Variants in DCK observed in about 807,000 individuals in gnomAD.
DCK encodes deoxycytidine kinase, also known as deoxyadenosine kinase.
A neutral mutation model predicts 38.3 loss-of-function variants in DCK; 23 were observed. The ratio of observed to expected loss-of-function variants is 0.60; its 90% CI spans 0.43 to 0.85. The LOEUF is 0.85. Ranked by LOEUF, DCK falls within the 40% of genes least tolerant of loss-of-function variation. DCK has a pLI of 0.00. For synonymous variants in DCK, 108 were observed against 100.6 expected (o/e 1.07, Z -0.44); for missense variants, 259 against 304.4 (o/e 0.85, Z 1.11).
chr4:71,010,230 A>C (rs528757585), intron 2 of DCK, among the ~76,000 whole-genome samples: 4 of 147,392 alleles, frequency 2.7e-5, no homozygotes, highest in Admixed American at 2.0e-4. Context: ...TTGATAAGGT[A>C]CTCCTAATTT....
chr4:71,015,338 G>A lies in DCK; in HGVS notation c.208-7029G>A, dbSNP rs187560293. Reference sequence around the variant, plus strand: ...TCCAGGACCAGATGGATTCACAGCCGAATTCTACCAGCAGTACAAGGAGGA... The same window carrying A: ...TCCAGGACCAGATGGATTCACAGCCAAATTCTACCAGCAGTACAAGGAGGA... On this transcript the variant is annotated intron_variant, in intron 2 of 6. Transcript: ENST00000286648. Among the ~76,000 whole-genome samples the A allele has an allele frequency of 3.6e-3, 554 of 152,256 alleles. 1 individual carries two copies. The highest frequency in any genetic ancestry group is 0.01 in the Middle Eastern group (3 of 294).
At chr4:70,995,253 T>C (rs1235560905) in intron 1 of DCK, among the ~76,000 whole-genome samples, 1 of 152,144 alleles carries the variant, frequency 6.6e-6, no homozygotes, top group Non-Finnish European at 1.5e-5. Context: ...GAAGACCATA[T>C]ATAAAGACAG....
chr4:71,015,168 A>G (rs1740225852), intron 2 of DCK, among the ~76,000 whole-genome samples: 1 of 151,884 alleles, frequency 6.6e-6, no homozygotes, highest in African/African-American at 2.4e-5. Flanking sequence ...TACGCAAATA[A>G]ACTAGAAAAT....
intron 2 of DCK, among the ~76,000 whole-genome samples, chr4:71,008,766 T>C (rs1303950733): frequency 6.6e-6 from 1 of 152,212 alleles, no homozygotes; most frequent in Non-Finnish European, 1.5e-5. Context: ...GCACAGAAAC[T>C]GACATATAAA....
At chr4:71,020,857 G>C (rs921895684) in intron 2 of DCK, among the ~76,000 whole-genome samples, 1 of 151,972 alleles carries the variant, frequency 6.6e-6, no homozygotes, top group Non-Finnish European at 1.5e-5. Context: ...AAATATACAA[G>C]ATGAAGCTCA....
rs1740207776 is a variant in DCK at position 71,014,719 on chromosome 4, C to T, written c.208-7648C>T. ...CAGAAATAAAGATGTTCTTTGAAACCAATGAGAACAAAGACACAACATACC... is the reference window on the plus strand; with the variant it reads ...CAGAAATAAAGATGTTCTTTGAAACTAATGAGAACAAAGACACAACATACC... On this transcript the variant is annotated intron_variant, in intron 2 of 6. Coordinates refer to ENST00000286648, the MANE Select transcript of DCK (RefSeq NM_000788.3). Among the ~76,000 whole-genome samples, 2 of 152,082 alleles carry T rather than the reference C, an allele frequency of 1.3e-5. 1 individual carries two copies. The highest frequency in any genetic ancestry group is 4.1e-4 in the South Asian group (2 of 4,824).
At chr4:71,013,517 G>A (rs868604667) in intron 2 of DCK, among the ~76,000 whole-genome samples, 136 of 152,268 alleles carry the variant, frequency 8.9e-4, no homozygotes, top group African/African-American at 2.5e-3. Context: ...GAGAAAGGTC[G>A]GGTTACCCAC....
chr4:71,018,283 TGCCCC>T (rs962995717), intron 2 of DCK, among the ~76,000 whole-genome samples: 2 of 151,914 alleles, frequency 1.3e-5, no homozygotes, highest in African/African-American at 4.8e-5. Flanking sequence ...CCTGCCACCA[TGCCCC>T]GCTATTTTTT....
intron 2 of DCK, among the ~76,000 whole-genome samples, chr4:71,012,331 C>A (rs1243136250): frequency 1.3e-5 from 2 of 152,244 alleles, no homozygotes; most frequent in African/African-American, 4.8e-5. Context: ...GTAGACTCCA[C>A]CTCTGGGGGC....
rs868553565 is a variant in DCK, at chr4:70,993,925, C to T, written c.90C>T (p.Ile30=). The T allele has an allele frequency of 6.2e-7, 1 of 1,609,236 alleles. No individual in the cohort carries two copies. Residue 30 remains isoleucine (I), a splice_region_variant and synonymous_variant, in exon 1 of 7, where the codon ATC becomes ATT. Coordinates refer to ENST00000286648, the MANE Select transcript of DCK (RefSeq NM_000788.3). The part of the protein sequence containing the change: ...RIKKISIEGN[I]AAGKSTFVNI... ...AGAAAATCTCCATCGAAGGGAACAT[C>T]GGTAAGGAGCCTCCGGAAATGTGGG...
At chr4:71,028,759 A>ATTT (rs11394166) in intron 6 of DCK, 539 of 249,224 alleles carry the variant, frequency 2.2e-3, no homozygotes, top group South Asian at 4.2e-3. Context: ...TGCCTAGCTA[A>ATTT]TTTTTTTTTT....
At chr4:71,025,746 A>G (rs552161563) in intron 4 of DCK, 70 bp from the exon 5 acceptor site, 1 of 1,483,104 alleles carries the variant, frequency 6.7e-7, no homozygotes, top group Non-Finnish European at 8.9e-7. Context: ...AGAAAAGAAA[A>G]TTTTGATGGC....
Position 71,006,340 on chromosome 4 carries a change from T to G in DCK, c.207+8158T>G, listed in dbSNP as rs980161496. 7 of 927,078 alleles carry G rather than the reference T, an allele frequency of 7.6e-6. No homozygotes were observed. The African/African-American group carries it at 1.2e-4, about 17-fold the overall frequency. 57.4% of individuals were successfully genotyped at this position (927,078 alleles called of 1,614,324 possible). A position where few individuals can be genotyped will look rare whatever the true frequency, so the allele number is the denominator to read the frequency against. ...AGAAAGAGAATGACAGAGTTCAGTG[T>G]CATTTTTTTAAATACCAAAATGTAT... On this transcript the variant is annotated intron_variant, in intron 2 of 6. Transcript: ENST00000286648.
At chr4:71,006,133 C>CAAAAAAAAAAAAAAAAAAACAA (rs67497388) in intron 2 of DCK, among the ~76,000 whole-genome samples, 1 of 104,338 alleles carries the variant, frequency 9.6e-6, no homozygotes, top group African/African-American at 3.6e-5. Context: ...ACAAAAACAC[C>CAAAAAAAAAAAAAAAAAAACAA]AAAAAAAAAA....
At position 71,029,605 on chromosome 4, in the gene DCK, C is replaced by T. The variant is rs1299635493; in HGVS notation, c.*227C>T. The T allele has an allele frequency of 2.1e-6, 1 of 474,526 alleles. No homozygotes were observed. 29.4% of individuals were successfully genotyped at this position (474,526 alleles called of 1,614,324 possible). On this transcript the variant is annotated 3_prime_UTR_variant, in exon 7 of 7. Coordinates refer to ENST00000286648, the MANE Select transcript of DCK (RefSeq NM_000788.3). ...ATTTAAAGACAAAGACATTATTTCT[C>T]ATAGCAGGAAATGTAGAGGTAGATG...
chr4:71,013,107 C>T (rs1362590202), intron 2 of DCK, among the ~76,000 whole-genome samples: 1 of 151,956 alleles, frequency 6.6e-6, no homozygotes, highest in Non-Finnish European at 1.5e-5. Context: ...AACTACATGA[C>T]GAATGCACAA....
At chr4:71,006,814 AAAG>A (rs1739954732) in intron 2 of DCK, among the ~76,000 whole-genome samples, 1 of 152,196 alleles carries the variant, frequency 6.6e-6, no homozygotes, top group Non-Finnish European at 1.5e-5. Flanking sequence ...TAAAAGAAAA[AAAG>A]AAATTGAAAG....
intron 2 of DCK, among the ~76,000 whole-genome samples, chr4:71,013,853 A>G (rs1740170685): frequency 6.6e-6 from 1 of 152,252 alleles, no homozygotes; most frequent in African/African-American, 2.4e-5. Context: ...TGCATCAACT[A>G]ATGAGCAAAA....
At chr4:71,017,403 A>G (rs1331763658) in intron 2 of DCK, among the ~76,000 whole-genome samples, 1 of 152,172 alleles carries the variant, frequency 6.6e-6, no homozygotes, top group African/African-American at 2.4e-5. Flanking sequence ...TAGAAATACC[A>G]TTTGACCCAG....
Sources: gnomAD v4.1 joint callset for allele counts (sites outside exome capture counted in the v4.1 genomes callset) on GRCh38, gnomAD v4.1.1 for gene constraint, MANE v1.5 for transcripts, NCBI Gene and HGNC (gene_info 2026-07-23, HGNC 2026-07-21) for gene names.